HSD11B1: variants seen among roughly 807,000 people sequenced by gnomAD.
HSD11B1 encodes the protein 11-beta-hydroxysteroid dehydrogenase 1.
Under a neutral mutation model 22.1 loss-of-function variants are expected in HSD11B1, and 15 were observed. That is an observed-to-expected ratio of 0.68 (90% confidence interval 0.45 to 1.04). HSD11B1 has a LOEUF of 1.04. Ranked by LOEUF, HSD11B1 falls within the 50% of genes least tolerant of loss-of-function variation. The pLI, the probability that HSD11B1 is intolerant of heterozygous loss-of-function variation, is 0.00. For synonymous variants in HSD11B1, 122 were observed against 125.2 expected (o/e 0.97, Z 0.17); for missense variants, 281 against 357.6 (o/e 0.79, Z 1.73).
intron 5 of HSD11B1, among the ~76,000 whole-genome samples, 158 bp from the exon 6 acceptor site, chr1:209,734,146 A>G (rs962873403): frequency 2.0e-5 from 3 of 152,182 alleles, no homozygotes; most frequent in Admixed American, 6.5e-5. Context: ...AGACTCTAAC[A>G]TACCCAGTCT....
chr1:209,705,650 C>G (rs531787227), intron 1 of HSD11B1, among the ~76,000 whole-genome samples, 161 bp from the exon 2 acceptor site: 2 of 152,308 alleles, frequency 1.3e-5, no homozygotes, highest in African/African-American at 2.4e-5. Flanking sequence ...TATGAAAGAC[C>G]TGGCCTGTTC....
intron 4 of HSD11B1, among the ~76,000 whole-genome samples, chr1:209,708,026 G>A (rs766717119): frequency 2.0e-4 from 30 of 152,184 alleles, no homozygotes; most frequent in Non-Finnish European, 4.0e-4. Context: ...CAGCTGGGTA[G>A]GGAGGAAATG....
intron 4 of HSD11B1, among the ~76,000 whole-genome samples, chr1:209,730,880 G>A (rs979432692): frequency 4.6e-5 from 7 of 152,062 alleles, no homozygotes; most frequent in Admixed American, 2.6e-4. Context: ...ACAAAATATC[G>A]ACGACAACCA....
intron 4 of HSD11B1, among the ~76,000 whole-genome samples, chr1:209,727,788 G>A (rs1479834681): frequency 1.3e-5 from 2 of 152,198 alleles, no homozygotes; most frequent in African/African-American, 2.4e-5. Context: ...AGAGGTTATT[G>A]TGTTTGCTCC....
chr1:209,712,095 G>A (rs1415629371), intron 4 of HSD11B1, among the ~76,000 whole-genome samples: 11 of 152,106 alleles, frequency 7.2e-5, no homozygotes, highest in Non-Finnish European at 4.4e-5. Flanking sequence ...TCCTTACCAA[G>A]GAGTTTGAGA....
intron 4 of HSD11B1, among the ~76,000 whole-genome samples, chr1:209,718,537 G>C (rs894727104): frequency 6.6e-6 from 1 of 152,102 alleles, no homozygotes; most frequent in Non-Finnish European, 1.5e-5. Flanking sequence ...ACAGCACTAG[G>C]ATGGCTACTA....
upstream of HSD11B1, among the ~76,000 whole-genome samples, chr1:209,699,928 C>T (rs2076816529): frequency 6.6e-6 from 1 of 152,170 alleles, no homozygotes; most frequent in Non-Finnish European, 1.5e-5. Context: ...AAAATGATCT[C>T]CTTTGAATCC....
intron 4 of HSD11B1, among the ~76,000 whole-genome samples, chr1:209,715,360 C>A (rs919576036): frequency 3.3e-5 from 5 of 152,030 alleles, no homozygotes; most frequent in African/African-American, 9.7e-5. Context: ...ACTGACAGGA[C>A]CTGGGAGCAC....
rs1467482668 is a variant in HSD11B1, at chr1:209,706,573, A to G, written c.220-136A>G. The G allele has an allele frequency of 2.6e-6, 2 of 758,122 alleles. No individual in the cohort carries two copies. Among genetic ancestry groups the G allele is most frequent in the Middle Eastern group, 3.6e-4 (1 of 2,754 alleles). 47.0% of individuals were successfully genotyped at this position (758,122 alleles called of 1,614,324 possible). On this transcript the variant is annotated intron_variant, in intron 2 of 5. Transcript: ENST00000367027. The surrounding 1 kb of genome is among the most constrained non-coding windows in gnomAD (Gnocchi z 4.0). ...TCATGAGGGTTATATTAGGCAACAC[A>G]CACACAAACATACTTACCATTTCTT... is the stretch of plus-strand genomic sequence containing the variant.
intron 4 of HSD11B1, among the ~76,000 whole-genome samples, chr1:209,721,515 G>C (rs1434103717): frequency 2.7e-5 from 4 of 150,362 alleles, no homozygotes; most frequent in Non-Finnish European, 5.9e-5. Flanking sequence ...TAGTGACTTG[G>C]AGGACATATG....
In HSD11B1 at chr1:209,706,914, T is replaced by G. The variant is rs12086634; in HGVS notation, c.332-29T>G. 322,141 of 1,611,884 alleles carry G rather than the reference T, an allele frequency of 0.2. 33,020 individuals carry two copies. The highest frequency in any genetic ancestry group is 0.2 in the Non-Finnish European group (235,921 of 1,178,050). ...GAATGGGAAAGGTATCAACCCCAGA[T>G]GATTTCTTAATATAGCCATCTCTTG... On this transcript the variant is annotated intron_variant, in intron 3 of 5. Transcript: ENST00000367027. This position sits in a 1 kb window ranked among gnomAD's most constrained non-coding sequence, Gnocchi z 4.0.
intron 4 of HSD11B1, among the ~76,000 whole-genome samples, chr1:209,725,963 G>A (rs1014378766): frequency 6.6e-6 from 1 of 152,166 alleles, no homozygotes; most frequent in South Asian, 2.1e-4. Flanking sequence ...CTCATGCATA[G>A]TCTTCACAAT....
chr1:209,723,059 A>G (rs898290093), intron 4 of HSD11B1, among the ~76,000 whole-genome samples: 2 of 152,166 alleles, frequency 1.3e-5, no homozygotes, highest in Non-Finnish European at 2.9e-5. Flanking sequence ...TTTCTGGGAC[A>G]GAGCTAATTA....
In HSD11B1 at chr1:209,706,214, C is replaced by A. The variant is rs529550096; in HGVS notation, c.219+273C>A. ...TGAGTTATATATGCTCACAGACATG[C>A]CTAGTCACACACATTTACACATGGA... On this transcript the variant is annotated intron_variant, in intron 2 of 5. Transcript: ENST00000367027. This position sits in a 1 kb window ranked among gnomAD's most constrained non-coding sequence, Gnocchi z 4.0. Among the ~76,000 whole-genome samples, 71 of 152,250 alleles carry A rather than the reference C, an allele frequency of 4.7e-4. No individual in the cohort carries two copies. The highest frequency in any genetic ancestry group is 1.3e-3 in the African/African-American group (53 of 41,536).
At position 209,725,117 on chromosome 1, in the gene HSD11B1, C is replaced by T. The variant is rs1299436599; in HGVS notation, c.518-7319C>T. Among the ~76,000 whole-genome samples the T allele has an allele frequency of 2.0e-5, 3 of 152,108 alleles. No homozygotes were observed. In the East Asian group the frequency reaches 5.8e-4, roughly 29 times the overall value. ...CCAATATTTTAGTGCAGAAATAATA[C>T]ATGCTGTCTTACAGGCTGCCTCCTC... On this transcript the variant is annotated intron_variant, in intron 4 of 5. Transcript: ENST00000367027.
chr1:209,705,386 A>C (rs1000571439), intron 1 of HSD11B1, among the ~76,000 whole-genome samples: 3 of 151,956 alleles, frequency 2.0e-5, no homozygotes, highest in African/African-American at 7.3e-5. Flanking sequence ...AAAAAAAAAA[A>C]AAAAAACTGG....
At chr1:209,723,789 G>A (rs2076983042) in intron 4 of HSD11B1, among the ~76,000 whole-genome samples, 1 of 152,202 alleles carries the variant, frequency 6.6e-6, no homozygotes, top group Non-Finnish European at 1.5e-5. Flanking sequence ...TAAGGAGTAG[G>A]AAAGGTCTTA....
chr1:209,688,396 C>T (rs919181978), intron 1 of HSD11B1, among the ~76,000 whole-genome samples: 5 of 152,160 alleles, frequency 3.3e-5, no homozygotes, highest in South Asian at 2.1e-4. Context: ...GTATACATCA[C>T]GCTATGGTGA....
In HSD11B1 at chr1:209,694,863, C is replaced by T. The variant is rs191835811; in HGVS notation, c.-49+8578C>T. Among the ~76,000 whole-genome samples the T allele has an allele frequency of 8.5e-5, 13 of 152,210 alleles. No homozygotes were observed. In the East Asian group the frequency reaches 2.5e-3, roughly 29 times the overall value. Reference sequence around the variant, plus strand: ...TAATAGATTGGGGAAGGTGAGGTGGCCAGAGAAATGTGAGGAGGTCACTAA... The same window carrying T: ...TAATAGATTGGGGAAGGTGAGGTGGTCAGAGAAATGTGAGGAGGTCACTAA... On this transcript the variant is annotated intron_variant, in intron 1 of 6. Transcript: ENST00000261465.
Sources: gnomAD v4.1 joint callset for allele counts (sites outside exome capture counted in the v4.1 genomes callset) on GRCh38, gnomAD v4.1.1 for gene constraint, Gnocchi (gnomAD v3.1) non-coding constraint, MANE v1.5 for transcripts, NCBI Gene and HGNC (gene_info 2026-07-23, HGNC 2026-07-21) for gene names.